The following FBXL13 variants were observed in gnomAD, a reference collection of about 807,000 sequenced individuals.
The protein encoded by FBXL13 is F-box and leucine rich repeat protein 13, also known as F-box and leucine-rich repeat protein 13.
FBXL13 carries 67 observed loss-of-function variants against 83.6 expected under a neutral mutation model. The ratio of observed to expected loss-of-function variants is 0.80; its 90% CI spans 0.66 to 0.98. FBXL13 has a LOEUF of 0.98. FBXL13 is among the 50% of genes least tolerant of loss of function. FBXL13 has a pLI of 0.00. For synonymous variants in FBXL13, 272 were observed against 299.5 expected (o/e 0.91, Z 0.95); for missense variants, 822 against 866.5 (o/e 0.95, Z 0.64).
intron 19 of FBXL13, chr7:102,814,556 G>A (rs138745235): frequency 2.6e-5 from 4 of 152,182 alleles, no homozygotes; most frequent in African/African-American, 7.2e-5. Flanking sequence ...AACTTAACAG[G>A]GAGGTAACCA....
intron 8 of FBXL13, among the ~76,000 whole-genome samples, chr7:102,957,614 A>G (rs1001710724): frequency 6.6e-6 from 1 of 152,162 alleles, no homozygotes; most frequent in Admixed American, 6.5e-5. Context: ...AGAATGGGAG[A>G]AAATTTTTGC....
chr7:102,932,991 G>A lies in FBXL13; in HGVS notation c.725-1058C>T, dbSNP rs1029903251. On this transcript the variant is annotated intron_variant, in intron 8 of 19. Transcript: ENST00000313221. ...AGACACAAATATTTTCCCTTAAGGA[G>A]TTTACTTTCTAGCGGGGAGACACTA... The A allele has an allele frequency of 5.9e-5, 9 of 152,220 alleles. No homozygotes were observed. The East Asian group carries it at 1.7e-3, about 29-fold the overall frequency. 9.4% of individuals were successfully genotyped at this position (152,220 alleles called of 1,614,324 possible).
chr7:102,972,062 A>T (rs1437408262), intron 6 of FBXL13, among the ~76,000 whole-genome samples: 3 of 152,086 alleles, frequency 2.0e-5, no homozygotes, highest in African/African-American at 7.2e-5. Context: ...ACTTTGAGAC[A>T]TAGACTGAGA....
chr7:102,955,423 C>T (rs1824092565), intron 8 of FBXL13, among the ~76,000 whole-genome samples: 1 of 151,508 alleles, frequency 6.6e-6, no homozygotes, highest in South Asian at 2.1e-4. Context: ...CACTAAATGC[C>T]CCAAGAGTAA....
chr7:103,067,002 C>G (rs1798463992), intron 1 of FBXL13, among the ~76,000 whole-genome samples: 1 of 151,574 alleles, frequency 6.6e-6, no homozygotes, highest in Non-Finnish European at 1.5e-5. Flanking sequence ...TCAGGCTGGT[C>G]TTGAACTCCA....
At chr7:102,969,867 A>G (rs925808794) in intron 6 of FBXL13, among the ~76,000 whole-genome samples, 101 of 151,750 alleles carry the variant, frequency 6.7e-4, no homozygotes, top group Non-Finnish European at 1.1e-3. Context: ...AAAGAAAAGA[A>G]AAGAAAAGGA....
chr7:102,937,819 T>C (rs1228796743), intron 8 of FBXL13, among the ~76,000 whole-genome samples: 1 of 152,182 alleles, frequency 6.6e-6, no homozygotes, highest in Non-Finnish European at 1.5e-5. Context: ...ATGGCTAGAA[T>C]TGAAGTGTGA....
chr7:102,909,713 A>T (rs761983167), intron 11 of FBXL13, among the ~76,000 whole-genome samples: 10 of 152,260 alleles, frequency 6.6e-5, no homozygotes, highest in South Asian at 4.1e-4. Context: ...CGAGGGCCTT[A>T]TGACTCTAAC....
chr7:102,821,886 A>G (rs1270499750), intron 19 of FBXL13, among the ~76,000 whole-genome samples, 154 bp downstream of exon 20: 1 of 152,228 alleles, frequency 6.6e-6, no homozygotes, highest in African/African-American at 2.4e-5. Flanking sequence ...GTTTTAGAAC[A>G]ACTCACAATG....
intron 6 of FBXL13, among the ~76,000 whole-genome samples, chr7:103,024,039 G>A (rs1017739891): frequency 4.6e-5 from 7 of 151,818 alleles, no homozygotes; most frequent in Non-Finnish European, 1.0e-4. Flanking sequence ...CTTATAACCT[G>A]GGTGACAAAA....
At chr7:103,069,030 G>A (rs113957049) in intron 1 of FBXL13, among the ~76,000 whole-genome samples, 5,404 of 150,488 alleles carry the variant, frequency 0.036, 295 homozygotes, top group African/African-American at 0.13. Flanking sequence ...GCCTCTGCCC[G>A]GCCGCCCCAC....
chr7:102,849,741 C>T (rs1203982225), intron 17 of FBXL13, among the ~76,000 whole-genome samples: 1 of 151,916 alleles, frequency 6.6e-6, no homozygotes, highest in Non-Finnish European at 1.5e-5. Context: ...CTGGAGGAGG[C>T]AAGGGGAAAG....
chr7:102,995,528 C>T lies in FBXL13; in HGVS notation c.496-27411G>A, dbSNP rs542528496. On this transcript the variant is annotated intron_variant, in intron 6 of 19. Coordinates refer to ENST00000313221, the Ensembl canonical transcript of FBXL13. ...AATAGGCCGGGCACAGTGGCTCACG[C>T]CTGTAATCCCAGCACTTTGGGAGGC... Among the ~76,000 whole-genome samples, 676 of 149,484 alleles carry T rather than the reference C, an allele frequency of 4.5e-3. 5 individuals carry two copies. Among genetic ancestry groups the T allele is most frequent in the African/African-American group, 0.016 (638 of 40,440 alleles).
At chr7:102,876,960 G>A (rs1035699917) in intron 16 of FBXL13, among the ~76,000 whole-genome samples, 1 of 152,178 alleles carries the variant, frequency 6.6e-6, no homozygotes, top group Non-Finnish European at 1.5e-5. Flanking sequence ...GGCAGTCCCA[G>A]AGGGATAAGA....
At chr7:102,813,273 A>G (rs1797558243) in exon 20 of FBXL13, 1 of 1,395,008 alleles carries the variant, frequency 7.2e-7, no homozygotes, top group African/African-American at 1.4e-5. Context: ...GCTAGTAAAC[A>G]TACTTGCAAC....
intron 6 of FBXL13, among the ~76,000 whole-genome samples, chr7:103,013,343 T>A (rs189830752): frequency 6.6e-6 from 1 of 152,280 alleles, no homozygotes; most frequent in East Asian, 1.9e-4. Context: ...ATTCTTCACA[T>A]CTGCACATGG....
At chr7:102,823,635 A>G (rs1238148400) in intron 18 of FBXL13, among the ~76,000 whole-genome samples, 2 of 152,266 alleles carry the variant, frequency 1.3e-5, no homozygotes, top group East Asian at 3.8e-4. Context: ...CTTGCTGCAG[A>G]ATCAACTAGA....
intron 1 of FBXL13, among the ~76,000 whole-genome samples, chr7:103,060,698 C>T (rs370276664): frequency 6.6e-6 from 1 of 152,136 alleles, no homozygotes. Context: ...CTCAGATAAA[C>T]ATAGTGAAAT....
intron 6 of FBXL13, chr7:102,975,835 G>A (rs955337951): frequency 7.6e-6 from 5 of 655,968 alleles, no homozygotes; most frequent in Non-Finnish European, 1.4e-5. Flanking sequence ...CAATCGTGAT[G>A]AGGAAAGTAA....
Sources: allele counts gnomAD v4.1 joint callset (sites outside exome capture counted in the v4.1 genomes callset), GRCh38; gene constraint gnomAD v4.1.1; transcripts MANE v1.5; gene names NCBI Gene and HGNC (gene_info 2026-07-23, HGNC 2026-07-21).